BCAS4: variants seen among roughly 807,000 people sequenced by gnomAD.
BCAS4 encodes breast carcinoma-amplified sequence 4.
A neutral mutation model predicts 15.7 loss-of-function variants in BCAS4; 9 were observed. That is an observed-to-expected ratio of 0.57 (90% CI 0.34 to 1.00). The LOEUF is 1.00. BCAS4 is among the 50% of genes least tolerant of loss of function. The pLI is 0.02. For missense variants in BCAS4, 225 were observed against 239.1 expected, an observed-to-expected ratio of 0.94 and a Z score of 0.39; for synonymous variants, 101 against 99.5, an observed-to-expected ratio of 1.02 and a Z score of -0.09.
chr20:50,818,041 G>A (rs1443369861), intron 1 of BCAS4, among the ~76,000 whole-genome samples, 170 bp from the exon 2 acceptor site: 1 of 151,898 alleles, frequency 6.6e-6, no homozygotes, highest in Non-Finnish European at 1.5e-5. Context: ...ATGGGCGCCA[G>A]GACTGCTGCC....
At chr20:50,857,475 C>G (rs1026499232) in intron 4 of BCAS4, among the ~76,000 whole-genome samples, 2 of 152,310 alleles carry the variant, frequency 1.3e-5, no homozygotes, top group South Asian at 4.1e-4. Context: ...GCATAATGCC[C>G]TATGAGGTAG....
At chr20:50,871,414 G>C (rs1979639483) in intron 4 of BCAS4, among the ~76,000 whole-genome samples, 1 of 152,238 alleles carries the variant, frequency 6.6e-6, no homozygotes, top group Non-Finnish European at 1.5e-5. Context: ...AGCCCTGCGG[G>C]CATCTGGTTG....
intron 1 of BCAS4, among the ~76,000 whole-genome samples, chr20:50,817,192 C>T (rs2088150545): frequency 6.6e-6 from 1 of 151,926 alleles, no homozygotes; most frequent in Non-Finnish European, 1.5e-5. Context: ...CCTGCCTCGG[C>T]CTCCCAAAAT....
At chr20:50,855,212 T>G (rs1419647473) in intron 4 of BCAS4, among the ~76,000 whole-genome samples, 1 of 151,884 alleles carries the variant, frequency 6.6e-6, no homozygotes, top group Non-Finnish European at 1.5e-5. Context: ...GATTTCGGCC[T>G]CTGGCTCTGC....
chr20:50,854,253 C>G (rs150068003), intron 4 of BCAS4, among the ~76,000 whole-genome samples: 4 of 151,946 alleles, frequency 2.6e-5, no homozygotes, highest in Admixed American at 6.6e-5. Flanking sequence ...TCAACCTCCC[C>G]CTCTGTGAAA....
rs114243506 is a variant in BCAS4 at position 50,815,347 on chromosome 20, A to C, written c.91-2864A>C. On this transcript the variant is annotated intron_variant, in intron 1 of 4. Coordinates refer to ENST00000371608, the MANE Select transcript of BCAS4 (RefSeq NM_198799.4). ...CCTCCCATGCAGGTTGTGTGTTCTT[A>C]AGCATGTCTGGACCCGTGTCTGCGT... 3.9e-3 allele frequency among the ~76,000 whole-genome samples: 593 copies of C among 152,234 alleles called. 3 individuals carry two copies. The highest frequency in any genetic ancestry group is 0.014 in the African/African-American group (565 of 41,534).
At chr20:50,795,447 C>G (rs1263227973) in intron 1 of BCAS4, among the ~76,000 whole-genome samples, 1 of 152,178 alleles carries the variant, frequency 6.6e-6, no homozygotes, top group Admixed American at 6.5e-5. Flanking sequence ...CAGGCGCCGC[C>G]CTTTGCCAGG....
In BCAS4 at chr20:50,795,188, T is replaced by C; in HGVS notation, c.90+15T>C. 1 of 1,344,978 alleles carries C rather than the reference T, an allele frequency of 7.4e-7. No individual in the cohort carries two copies. The highest frequency in any genetic ancestry group is 9.7e-7 in the Non-Finnish European group (1 of 1,032,868). The allele number at this position is 1,344,978 out of a possible 1,614,324, so 83.3% of individuals were successfully genotyped here. A position where few individuals can be genotyped will look rare whatever the true frequency, so the allele number is the denominator to read the frequency against. On this transcript the variant is annotated intron_variant, in intron 1 of 4. Coordinates refer to ENST00000371608, the MANE Select transcript of BCAS4 (RefSeq NM_198799.4). ...CTGGGGCCGAGGTAGGGGACGGGGC[T>C]GTGGAGTTGGAGGAGAGGGTTCTCG...
At chr20:50,827,147 C>T (rs1006302247) in intron 2 of BCAS4, among the ~76,000 whole-genome samples, 2 of 152,244 alleles carry the variant, frequency 1.3e-5, no homozygotes, top group Admixed American at 1.3e-4. Flanking sequence ...TCTAAGGTGC[C>T]ACATGGCACG....
chr20:50,804,023 G>A (rs563137342), intron 1 of BCAS4, among the ~76,000 whole-genome samples: 6 of 152,190 alleles, frequency 3.9e-5, no homozygotes, highest in South Asian at 4.1e-4. Flanking sequence ...GAAGCAGAGC[G>A]TGTGGGCCTG....
chr20:50,838,175 G>A (rs1481552683), intron 3 of BCAS4, among the ~76,000 whole-genome samples: 1 of 152,224 alleles, frequency 6.6e-6, no homozygotes, highest in Non-Finnish European at 1.5e-5. Context: ...TCATGCACGT[G>A]TGCATTTATG....
At chr20:50,858,718 T>C (rs1259733174) in intron 4 of BCAS4, among the ~76,000 whole-genome samples, 1 of 148,824 alleles carries the variant, frequency 6.7e-6, no homozygotes, top group East Asian at 1.9e-4. Context: ...TTTTTTTTTT[T>C]TCTTGAATTT....
intron 4 of BCAS4, among the ~76,000 whole-genome samples, chr20:50,859,742 G>A (rs1229639829): frequency 6.6e-6 from 1 of 151,978 alleles, no homozygotes; most frequent in Non-Finnish European, 1.5e-5. Context: ...GCAGGTTGAG[G>A]GGGGCAGGAG....
chr20:50,831,597 C>T (rs981322803), intron 3 of BCAS4, among the ~76,000 whole-genome samples: 8 of 152,124 alleles, frequency 5.3e-5, no homozygotes, highest in African/African-American at 1.7e-4. Flanking sequence ...CAGTCAGTCC[C>T]CTCACTGCCC....
At chr20:50,866,560 C>G (rs984144630) in intron 4 of BCAS4, among the ~76,000 whole-genome samples, 1 of 152,244 alleles carries the variant, frequency 6.6e-6, no homozygotes, top group Non-Finnish European at 1.5e-5. Context: ...GCAATGAACT[C>G]ATTTTTAAAT....
chr20:50,795,468 G>A (rs1309760612), intron 1 of BCAS4, among the ~76,000 whole-genome samples: 2 of 152,150 alleles, frequency 1.3e-5, no homozygotes, highest in Non-Finnish European at 2.9e-5. Context: ...CCGGCCCTGG[G>A]AGAGGCGGAC....
intron 1 of BCAS4, among the ~76,000 whole-genome samples, chr20:50,812,430 G>C (rs957521988): frequency 7.3e-6 from 1 of 136,240 alleles, no homozygotes; most frequent in Non-Finnish European, 1.6e-5. Flanking sequence ...TACTGCGTCT[G>C]GCCTTTTTTT....
chr20:50,834,309 T>C (rs2088380862), intron 3 of BCAS4, among the ~76,000 whole-genome samples: 1 of 147,738 alleles, frequency 6.8e-6, no homozygotes, highest in Admixed American at 6.7e-5. Context: ...TTTTTTTTTT[T>C]TTTTGAGACT....
chr20:50,816,386 G>A (rs1483395670), intron 1 of BCAS4, among the ~76,000 whole-genome samples: 1 of 152,238 alleles, frequency 6.6e-6, no homozygotes, highest in Non-Finnish European at 1.5e-5. Context: ...ACACTGGCAG[G>A]CCCTCTGCAC....
Sources: gnomAD v4.1 joint callset for allele counts (sites outside exome capture counted in the v4.1 genomes callset) on GRCh38, gnomAD v4.1.1 for gene constraint, MANE v1.5 for transcripts, NCBI Gene and HGNC (gene_info 2026-07-23, HGNC 2026-07-21) for gene names.